RXRG: variants seen among roughly 807,000 people sequenced by gnomAD.
RXRG encodes retinoic acid receptor RXR-gamma.
Under a neutral mutation model 49.2 loss-of-function variants are expected in RXRG, and 19 were observed. The ratio of observed to expected loss-of-function variants is 0.39; its 90% confidence interval spans 0.27 to 0.57. The LOEUF (loss-of-function observed/expected upper bound fraction) is 0.57, where lower values mean the gene tolerates loss of function less well. RXRG is among the 20% of genes least tolerant of loss of function. The pLI, the probability that RXRG is intolerant of heterozygous loss-of-function variation, is 0.64. For synonymous variants in RXRG, 224 were observed against 216.6 expected (o/e 1.03, Z -0.30); for missense variants, 452 against 592.5 (o/e 0.76, Z 2.46).
intron 2 of RXRG, among the ~76,000 whole-genome samples, chr1:165,426,847 A>G (rs1052157807): frequency 5.3e-5 from 8 of 152,312 alleles, no homozygotes; most frequent in South Asian, 2.1e-4. Context: ...TGGAGACCCA[A>G]AAAAGCTCAT....
chr1:165,439,299 G>A (rs1407046834), intron 1 of RXRG, among the ~76,000 whole-genome samples: 3 of 149,524 alleles, frequency 2.0e-5, no homozygotes, highest in Admixed American at 1.3e-4. Flanking sequence ...GAGTGGGAGC[G>A]AGGGGAGGAG....
At chr1:165,426,238 C>A (rs1183416122) in intron 2 of RXRG, among the ~76,000 whole-genome samples, 1 of 152,204 alleles carries the variant, frequency 6.6e-6, no homozygotes. Context: ...AGGTGAGAAC[C>A]ATAAGATTAG....
At chr1:165,408,390 A>C in intron 7 of RXRG, 72 bp from the exon 8 acceptor site, 1 of 1,139,378 alleles carries the variant, frequency 8.8e-7, no homozygotes, top group South Asian at 1.2e-5. Flanking sequence ...AATGAATTCA[A>C]CCAAAATTTT....
At chr1:165,418,622 A>G (rs752858645) in intron 3 of RXRG, among the ~76,000 whole-genome samples, 10 of 152,178 alleles carry the variant, frequency 6.6e-5, no homozygotes, top group Non-Finnish European at 1.5e-4. Flanking sequence ...CACATTGCTG[A>G]ACTCACAGCA....
intron 2 of RXRG, among the ~76,000 whole-genome samples, chr1:165,425,438 A>G (rs1039404041): frequency 6.6e-6 from 1 of 152,214 alleles, no homozygotes; most frequent in Non-Finnish European, 1.5e-5. Flanking sequence ...GACAGTATCA[A>G]TTAGTACCTG....
intron 1 of RXRG, among the ~76,000 whole-genome samples, chr1:165,431,398 T>TG (rs1658671646): frequency 6.6e-6 from 1 of 152,226 alleles, no homozygotes; most frequent in Admixed American, 6.5e-5. Flanking sequence ...TCTGAGGCCC[T>TG]GGGGGCTGTG....
rs754104309 is a variant in RXRG, at chr1:165,410,982, T to C, written c.750A>G (p.Thr250=). 8.1e-6 allele frequency: 13 copies of C among 1,614,190 alleles called. No homozygotes were observed. Among genetic ancestry groups the C allele is most frequent in the Non-Finnish European group, 1.1e-5 (13 of 1,180,010 alleles). Reference sequence around the variant, plus strand: ...CCATATTCATGTCACCATAGGATTCTGTCTTTGGTTCAACAGCAAGTTCAG... The same window carrying C: ...CCATATTCATGTCACCATAGGATTCCGTCTTTGGTTCAACAGCAAGTTCAG... The part of the protein sequence containing the change: ...LEAELAVEPK[T]ESYGDMNMEN... The change falls in exon 5 of 10, where the codon ACA becomes ACG. Residue 250 remains threonine (T), a synonymous_variant. Transcript: ENST00000359842.
intron 2 of RXRG, among the ~76,000 whole-genome samples, 158 bp from the exon 3 acceptor site, chr1:165,420,172 TA>T (rs1658265001): frequency 6.6e-6 from 1 of 152,152 alleles, no homozygotes; most frequent in African/African-American, 2.4e-5. Flanking sequence ...GAGATGAACT[TA>T]AGGGAGGGAT....
chr1:165,441,085 C>T (rs941618460), intron 1 of RXRG, among the ~76,000 whole-genome samples: 9 of 152,218 alleles, frequency 5.9e-5, no homozygotes, highest in African/African-American at 1.9e-4. Flanking sequence ...CGCACACATA[C>T]AAGCAGGTCC....
intron 1 of RXRG, among the ~76,000 whole-genome samples, chr1:165,435,337 G>A (rs966548971): frequency 6.6e-6 from 1 of 152,118 alleles, no homozygotes; most frequent in African/African-American, 2.4e-5. Context: ...AGTCTCAAGG[G>A]CGCTTGGAAA....
intron 1 of RXRG, among the ~76,000 whole-genome samples, chr1:165,440,085 C>T (rs965136120): frequency 1.3e-5 from 2 of 151,980 alleles, no homozygotes; most frequent in African/African-American, 4.8e-5. Flanking sequence ...CTGGGAGAGG[C>T]CAAGTATTGA....
intron 2 of RXRG, among the ~76,000 whole-genome samples, chr1:165,426,712 C>T (rs1273904153): frequency 2.0e-5 from 3 of 152,032 alleles, no homozygotes; most frequent in Non-Finnish European, 4.4e-5. Context: ...TCAGTGATCT[C>T]CAGAGAAACA....
Position 165,401,344 on chromosome 1 carries a change from G to A in RXRG, c.1311C>T (p.Leu437=), listed in dbSNP as rs942723779. The A allele has an allele frequency of 6.2e-7, 1 of 1,614,078 alleles. No individual in the cohort carries two copies. Among genetic ancestry groups the A allele is most frequent in the Admixed American group, 1.7e-5 (1 of 60,006 alleles). ...RSIGLKCLEH[L]FFFKLIGDTP... is the part of the protein sequence containing the mutation. Reference sequence around the variant, plus strand: ...TGTCCCCGATGAGCTTGAAGAAGAAGAGGTGCTCCAGGCATTTCAAGCCAA... The same window carrying A: ...TGTCCCCGATGAGCTTGAAGAAGAAAAGGTGCTCCAGGCATTTCAAGCCAA... The change falls in exon 10 of 10, where the codon CTC becomes CTT. Residue 437 remains leucine, a synonymous_variant. Coordinates refer to ENST00000359842, the MANE Select transcript of RXRG (RefSeq NM_006917.5).
At chr1:165,431,276 A>G (rs1436451756) in intron 1 of RXRG, among the ~76,000 whole-genome samples, 2 of 152,212 alleles carry the variant, frequency 1.3e-5, no homozygotes, top group African/African-American at 4.8e-5. Flanking sequence ...AGTGATCTCA[A>G]GCTGAAAGTT....
chr1:165,426,236 A>C (rs1658482755), intron 2 of RXRG, among the ~76,000 whole-genome samples: 1 of 152,228 alleles, frequency 6.6e-6, no homozygotes, highest in African/African-American at 2.4e-5. Context: ...ACAGGTGAGA[A>C]CCATAAGATT....
At chr1:165,411,529 T>C (rs953516719) in intron 4 of RXRG, among the ~76,000 whole-genome samples, 3 of 152,156 alleles carry the variant, frequency 2.0e-5, no homozygotes, top group African/African-American at 7.2e-5. Context: ...CTCTGTCAGA[T>C]CCTATGCATC....
chr1:165,415,192 C>T (rs1459547397), intron 4 of RXRG, among the ~76,000 whole-genome samples: 3 of 151,876 alleles, frequency 2.0e-5, no homozygotes, highest in Non-Finnish European at 2.9e-5. Flanking sequence ...AAAAGTGAGC[C>T]ATCAGATACC....
chr1:165,407,909 A>G (rs1031686974), intron 8 of RXRG, among the ~76,000 whole-genome samples: 1 of 151,660 alleles, frequency 6.6e-6, no homozygotes, highest in Non-Finnish European at 1.5e-5. Context: ...TTCTCATTCT[A>G]TATTCAATCC....
intron 7 of RXRG, among the ~76,000 whole-genome samples, chr1:165,408,787 T>C (rs1404909870): frequency 6.6e-6 from 1 of 152,032 alleles, no homozygotes; most frequent in African/African-American, 2.4e-5. Context: ...ACATGGAACA[T>C]GTGGGAAAGG....
Sources: allele counts gnomAD v4.1 joint callset (sites outside exome capture counted in the v4.1 genomes callset), GRCh38; gene constraint gnomAD v4.1.1; transcripts MANE v1.5; gene names NCBI Gene and HGNC (gene_info 2026-07-23, HGNC 2026-07-21).